The following MAP2 variants were observed in gnomAD, a reference collection of about 807,000 sequenced individuals.
MAP2 encodes microtubule associated protein 2.
Under a neutral mutation model 137.6 loss-of-function variants are expected in MAP2, and 14 were observed. The ratio of observed to expected loss-of-function variants is 0.10; its 90% confidence interval spans 0.07 to 0.16. The LOEUF (loss-of-function observed/expected upper bound fraction) is 0.16. Ranked by LOEUF, MAP2 falls within the 10% of genes least tolerant of loss-of-function variation. The pLI is 1.00. For synonymous variants in MAP2, 786 were observed against 782.3 expected, an observed-to-expected ratio of 1.00 and a Z score of -0.08; for missense variants, 2,088 against 2,191.5, an observed-to-expected ratio of 0.95 and a Z score of 0.94.
chr2:209,454,336 C>T (rs1400391018), intron 1 of MAP2, among the ~76,000 whole-genome samples: 2 of 151,894 alleles, frequency 1.3e-5, no homozygotes, highest in African/African-American at 4.8e-5. Flanking sequence ...TCACTGAATA[C>T]TGAATATATA....
rs201672675 is a variant in MAP2 at position 209,695,689 on chromosome 2, A to C, written c.3519A>C (p.Ile1173=). The stretch of plus-strand genomic sequence containing the variant: ...TTGCCGTCAAATTGTCAGTGGAAAT[A>C]CCTTGCCCACCTGCTGTTTCAGAGG... The part of the protein sequence containing the change: ...DEIAVKLSVE[I]PCPPAVSEAD... Residue 1173 remains isoleucine, a synonymous_variant, in exon 8 of 16, where the codon ATA becomes ATC. Coordinates refer to ENST00000682079, the MANE Select transcript of MAP2 (RefSeq NM_001375505.1). 1 of 1,614,068 alleles carries C rather than the reference A, an allele frequency of 6.2e-7. No individual in the cohort carries two copies. Among genetic ancestry groups the C allele is most frequent in the Non-Finnish European group, 8.5e-7 (1 of 1,180,004 alleles).
In MAP2 at chr2:209,685,001, T is replaced by G. The variant is rs74337524; in HGVS notation, c.454+4174T>G. Among the ~76,000 whole-genome samples, 146 of 150,630 alleles carry G rather than the reference T, an allele frequency of 9.7e-4. 1 individual carries two copies. Among genetic ancestry groups the G allele is most frequent in the Non-Finnish European group, 1.7e-3 (117 of 67,008 alleles). The stretch of plus-strand genomic sequence containing the variant: ...TGCTAAGATGTATGGAGTCAGACAT[T>G]GTGCTTGGCATTTTCACAGATATCT... On this transcript the variant is annotated intron_variant, in intron 7 of 15. Coordinates refer to ENST00000682079, the MANE Select transcript of MAP2 (RefSeq NM_001375505.1).
chr2:209,621,765 C>G (rs920724916), intron 3 of MAP2, among the ~76,000 whole-genome samples: 2 of 152,154 alleles, frequency 1.3e-5, no homozygotes, highest in Admixed American at 6.6e-5. Flanking sequence ...CTCCAGGAGA[C>G]TCTGAAAATC....
At chr2:209,612,305 T>C (rs905622789) in intron 3 of MAP2, among the ~76,000 whole-genome samples, 1 of 152,222 alleles carries the variant, frequency 6.6e-6, no homozygotes, top group Admixed American at 6.5e-5. Flanking sequence ...TTATTTCTAG[T>C]TTCTAGTTAT....
At chr2:209,658,421 T>A (rs1026884718) in intron 5 of MAP2, among the ~76,000 whole-genome samples, 1 of 152,098 alleles carries the variant, frequency 6.6e-6, no homozygotes, top group Non-Finnish European at 1.5e-5. Context: ...AAGTGGTGGT[T>A]CTATGTTTCT....
intron 4 of MAP2, among the ~76,000 whole-genome samples, chr2:209,636,963 CT>C (rs1014307901): frequency 6.6e-6 from 1 of 152,114 alleles, no homozygotes; most frequent in Non-Finnish European, 1.5e-5. Flanking sequence ...CCTACAAAGA[CT>C]TCCCAGCTTG....
chr2:209,722,169 C>G (rs1429659984), intron 13 of MAP2: 1 of 152,170 alleles, frequency 6.6e-6, no homozygotes, highest in African/African-American at 2.4e-5. Flanking sequence ...TATCTTCAAG[C>G]CTGTTTAAAT....
At chr2:209,673,546 C>T (rs1269580652) in intron 5 of MAP2, among the ~76,000 whole-genome samples, 2 of 151,722 alleles carry the variant, frequency 1.3e-5, no homozygotes, top group African/African-American at 2.4e-5. Flanking sequence ...TAATTTCTAA[C>T]ATAAACTAAA....
At chr2:209,573,364 G>A (rs1347010496) in intron 2 of MAP2, among the ~76,000 whole-genome samples, 1 of 147,298 alleles carries the variant, frequency 6.8e-6, no homozygotes. Flanking sequence ...CACGATCTCG[G>A]CTCACCACAA....
chr2:209,628,011 A>G (rs1218176065), intron 4 of MAP2, among the ~76,000 whole-genome samples: 5 of 152,272 alleles, frequency 3.3e-5, no homozygotes, highest in Admixed American at 6.5e-5. Context: ...GAATACTTCT[A>G]TCCTAACACA....
chr2:209,650,376 A>G (rs2094704155), intron 4 of MAP2, among the ~76,000 whole-genome samples: 1 of 152,224 alleles, frequency 6.6e-6, no homozygotes, highest in Admixed American at 6.5e-5. Context: ...CAGAAGGCTC[A>G]TAGTGTTCCT....
rs536380027 is a variant in MAP2 at position 209,474,449 on chromosome 2, G to A, written c.-221-33143G>A. Among the ~76,000 whole-genome samples the A allele has an allele frequency of 2.0e-5, 3 of 152,084 alleles. No homozygotes were observed. In the South Asian group the frequency reaches 6.2e-4, roughly 32 times the overall value. ...ATTTATTGCTTATTCCACCAGCCCAGGAACAATGCACAGTCTATAAAAGCA... is the reference window on the plus strand; with the variant it reads ...ATTTATTGCTTATTCCACCAGCCCAAGAACAATGCACAGTCTATAAAAGCA... On this transcript the variant is annotated intron_variant, in intron 1 of 15. Transcript: ENST00000682079.
chr2:209,457,480 T>C (rs188675493), intron 1 of MAP2, among the ~76,000 whole-genome samples: 59 of 152,330 alleles, frequency 3.9e-4, no homozygotes, highest in African/African-American at 1.3e-3. Flanking sequence ...GGAAGTTTAT[T>C]CAGTTTAGAT....
At chr2:209,729,085 GAAGAC>G (rs1362458746) in intron 14 of MAP2, among the ~76,000 whole-genome samples, 1 of 152,024 alleles carries the variant, frequency 6.6e-6, no homozygotes, top group Non-Finnish European at 1.5e-5. Context: ...TAGAGATGGG[GAAGAC>G]TACACTGAAG....
intron 1 of MAP2, among the ~76,000 whole-genome samples, chr2:209,502,743 A>T (rs188798619): frequency 8.5e-5 from 13 of 152,102 alleles, no homozygotes; most frequent in African/African-American, 3.1e-4. Context: ...ACCACATCCA[A>T]CACTTATTTT....
intron 2 of MAP2, among the ~76,000 whole-genome samples, chr2:209,557,837 C>T (rs1276680186): frequency 1.3e-5 from 2 of 152,178 alleles, no homozygotes; most frequent in African/African-American, 4.8e-5. Context: ...AGTTAGAATT[C>T]GGCTTATCCT....
At chr2:209,463,214 T>G (rs1254053615) in intron 1 of MAP2, among the ~76,000 whole-genome samples, 2 of 152,252 alleles carry the variant, frequency 1.3e-5, no homozygotes, top group Non-Finnish European at 2.9e-5. Context: ...TCTACAATTA[T>G]AAGCTGGCTC....
intron 10 of MAP2, among the ~76,000 whole-genome samples, chr2:209,697,435 C>T (rs2060489170): frequency 6.6e-6 from 1 of 151,660 alleles, no homozygotes; most frequent in South Asian, 2.1e-4. Flanking sequence ...AATATTTGTC[C>T]TATTTTCTAC....
intron 1 of MAP2, among the ~76,000 whole-genome samples, chr2:209,490,689 C>CA (rs1370142464): frequency 7.7e-6 from 1 of 129,384 alleles, no homozygotes; most frequent in Non-Finnish European, 1.6e-5. Flanking sequence ...CAACAAAGAT[C>CA]AAAAAAGACA....
Sources: gnomAD v4.1 joint callset for allele counts (sites outside exome capture counted in the v4.1 genomes callset) on GRCh38, gnomAD v4.1.1 for gene constraint, MANE v1.5 for transcripts, NCBI Gene and HGNC (gene_info 2026-07-23, HGNC 2026-07-21) for gene names.